The following NMNAT3 variants were observed in gnomAD, a reference collection of about 807,000 sequenced individuals.
The protein encoded by NMNAT3 is nicotinamide nucleotide adenylyltransferase 3.
Under a neutral mutation model 24.8 loss-of-function variants are expected in NMNAT3, and 21 were observed. That is an observed-to-expected ratio of 0.85 (90% confidence interval 0.60 to 1.22). NMNAT3 has a LOEUF of 1.22. NMNAT3 is among the 50% of genes most tolerant of loss of function. The probability of loss-of-function intolerance (pLI) is 0.00; values close to 1 mark genes in which losing one functional copy is unlikely to be tolerated. For missense variants in NMNAT3, 387 were observed against 436.6 expected (o/e 0.89, Z 1.01); for synonymous variants, 136 against 155.2 (o/e 0.88, Z 0.92).
intron 1 of NMNAT3, among the ~76,000 whole-genome samples, chr3:139,639,894 A>G (rs1215943853): frequency 2.6e-5 from 4 of 152,162 alleles, no homozygotes; most frequent in Non-Finnish European, 5.9e-5. Context: ...TTGAGAAGAG[A>G]AAGATGCTGA....
At chr3:139,618,157 TA>T (rs2055595516) in intron 3 of NMNAT3, among the ~76,000 whole-genome samples, 1 of 152,200 alleles carries the variant, frequency 6.6e-6, no homozygotes, top group Non-Finnish European at 1.5e-5. Context: ...TGTACCAGCC[TA>T]TATCTAATTC....
intron 2 of NMNAT3, among the ~76,000 whole-genome samples, chr3:139,633,206 G>A (rs935573136): frequency 6.7e-6 from 1 of 149,242 alleles, no homozygotes; most frequent in Non-Finnish European, 1.5e-5. Flanking sequence ...TTGAGATAGC[G>A]TTTTGCTCTT....
chr3:139,561,204 T>TGTTGTG lies in NMNAT3; in HGVS notation c.841_846dup (p.His281_Asn282dup). 1.9e-6 allele frequency: 3 copies of TGTTGTG among 1,614,160 alleles called. No individual in the cohort carries two copies. The highest frequency in any genetic ancestry group is 2.5e-6 in the Non-Finnish European group (3 of 1,180,032). ...TGCACAGGCTCCTTGGCCAGGTGAATGTTGTGCTGGTGCATCCGTAGGATG... is the reference window on the plus strand; with the variant it reads ...TGCACAGGCTCCTTGGCCAGGTGAATGTTGTGGTTGTGCTGGTGCATCCGTAGGATG... On this transcript the variant is annotated inframe_insertion, in exon 7 of 7. Transcript: ENST00000643695.
At chr3:139,567,043 C>G (rs1937345156) in intron 6 of NMNAT3, 3 of 151,480 alleles carry the variant, frequency 2.0e-5, no homozygotes, top group African/African-American at 7.3e-5. Flanking sequence ...TTTCATTGAG[C>G]AGTGGTTTGT....
At chr3:139,562,891 T>C (rs1299008601) in intron 6 of NMNAT3, among the ~76,000 whole-genome samples, 1 of 152,214 alleles carries the variant, frequency 6.6e-6, no homozygotes, top group African/African-American at 2.4e-5. Context: ...TAAACGATAT[T>C]CAAACATTCC....
intron 4 of NMNAT3, among the ~76,000 whole-genome samples, chr3:139,580,539 A>G (rs1352461945): frequency 6.6e-6 from 1 of 152,210 alleles, no homozygotes; most frequent in Non-Finnish European, 1.5e-5. Context: ...GACCTGGTAC[A>G]TTCCTACATA....
chr3:139,621,993 C>T (rs772685538), intron 3 of NMNAT3, among the ~76,000 whole-genome samples: 1 of 152,164 alleles, frequency 6.6e-6, no homozygotes, highest in Non-Finnish European at 1.5e-5. Flanking sequence ...TTGATGGACA[C>T]TTAGGTTGAT....
At chr3:139,667,993 G>C (rs1384049748) in intron 1 of NMNAT3, among the ~76,000 whole-genome samples, 1 of 152,192 alleles carries the variant, frequency 6.6e-6, no homozygotes, top group Non-Finnish European at 1.5e-5. Context: ...ATAGAGATAA[G>C]GATATGGGAG....
intron 1 of NMNAT3, among the ~76,000 whole-genome samples, chr3:139,673,484 G>A (rs1169505213): frequency 4.6e-5 from 7 of 152,072 alleles, no homozygotes; most frequent in Non-Finnish European, 7.4e-5. Flanking sequence ...GTCTTCAAGG[G>A]TGTATATGAA....
chr3:139,574,313 A>C (rs1233418560), intron 5 of NMNAT3, among the ~76,000 whole-genome samples: 1 of 152,202 alleles, frequency 6.6e-6, no homozygotes, highest in African/African-American at 2.4e-5. Context: ...TCAAGTCTCT[A>C]TGTGGATGGT....
chr3:139,608,240 C>T (rs979258685), intron 3 of NMNAT3, among the ~76,000 whole-genome samples: 1 of 152,206 alleles, frequency 6.6e-6, no homozygotes, highest in African/African-American at 2.4e-5. Context: ...GCAGCGACAG[C>T]AGCAGAGACA....
Position 139,578,827 on chromosome 3 carries a change from C to T in NMNAT3, c.575+45G>A, listed in dbSNP as rs763318319. Reference sequence around the variant, plus strand: ...TTTACCCTGTAAGCTCTGCAGACATCTCCCGTGGCCCCTGGTCATCACACA... The same window carrying T: ...TTTACCCTGTAAGCTCTGCAGACATTTCCCGTGGCCCCTGGTCATCACACA... On this transcript the variant is annotated intron_variant, in intron 5 of 6. Coordinates refer to ENST00000643695, the MANE Select transcript of NMNAT3 (RefSeq NM_001320510.2). 7.2e-6 allele frequency: 11 copies of T among 1,535,306 alleles called. No individual in the cohort carries two copies. In the South Asian group the frequency reaches 1.4e-4, roughly 19 times the overall value.
At chr3:139,622,625 C>T (rs2055832754) in intron 3 of NMNAT3, among the ~76,000 whole-genome samples, 1 of 150,790 alleles carries the variant, frequency 6.6e-6, no homozygotes, top group Admixed American at 6.7e-5. Flanking sequence ...GTCTCAGCTA[C>T]TCGGGAGACT....
At chr3:139,589,947 G>C (rs2054095252) in intron 3 of NMNAT3, among the ~76,000 whole-genome samples, 1 of 152,116 alleles carries the variant, frequency 6.6e-6, no homozygotes, top group Admixed American at 6.5e-5. Flanking sequence ...AAAGCAGAAG[G>C]CATGGGATCC....
chr3:139,629,036 T>G (rs2056178245), intron 2 of NMNAT3, among the ~76,000 whole-genome samples: 1 of 152,160 alleles, frequency 6.6e-6, no homozygotes, highest in Non-Finnish European at 1.5e-5. Flanking sequence ...CCTTTTAGTA[T>G]TCACTGGTAA....
rs988610330 is a variant in NMNAT3, at chr3:139,627,605, C to T, written c.109+11G>A. The T allele has an allele frequency of 3.3e-6, 5 of 1,536,176 alleles. No homozygotes were observed. In the African/African-American group the frequency reaches 5.4e-5, roughly 17 times the overall value. ...CAGTTCTTCTGTTGGACTCAGGGCC[C>T]CCTGACTGACCTGTTTGGTGTAGGT... On this transcript the variant is annotated intron_variant, in intron 3 of 6. Transcript: ENST00000643695.
intron 3 of NMNAT3, among the ~76,000 whole-genome samples, chr3:139,601,151 A>T (rs537162107): frequency 1.2e-4 from 19 of 152,300 alleles, no homozygotes; most frequent in African/African-American, 4.6e-4. Flanking sequence ...AAGCTGCTCA[A>T]CACTGCACTG....
chr3:139,585,745 A>T (rs973480726), intron 3 of NMNAT3, among the ~76,000 whole-genome samples: 3 of 152,220 alleles, frequency 2.0e-5, no homozygotes, highest in Middle Eastern at 6.8e-3. Flanking sequence ...CTTCCTAGGG[A>T]TATTTTATTC....
intron 3 of NMNAT3, among the ~76,000 whole-genome samples, chr3:139,602,008 T>C (rs1202236345): frequency 6.6e-6 from 1 of 152,226 alleles, no homozygotes; most frequent in Admixed American, 6.5e-5. Context: ...ATTAACATCC[T>C]TGCCCATTTC....
Sources: gnomAD v4.1 joint callset for allele counts (sites outside exome capture counted in the v4.1 genomes callset) on GRCh38, gnomAD v4.1.1 for gene constraint, MANE v1.5 for transcripts, NCBI Gene and HGNC (gene_info 2026-07-23, HGNC 2026-07-21) for gene names.